Variants in TENM2 observed in about 807,000 individuals in gnomAD.
The protein encoded by TENM2 is teneurin transmembrane protein 2, also known as teneurin-2.
In TENM2, 52 loss-of-function variants were observed where a neutral mutation model predicts 245.2. That is an observed-to-expected ratio of 0.21 (90% confidence interval 0.17 to 0.27). TENM2 has a LOEUF of 0.27. Ranked by LOEUF, TENM2 falls within the 10% of genes least tolerant of loss-of-function variation. TENM2 has a pLI of 1.00. For synonymous variants in TENM2, 1,363 were observed against 1,438.9 expected (o/e 0.95, Z 1.19); for missense variants, 3,046 against 3,666.8 (o/e 0.83, Z 4.37).
intron 2 of TENM2, among the ~76,000 whole-genome samples, chr5:167,651,347 G>A (rs373628325): frequency 7.2e-5 from 11 of 151,832 alleles, no homozygotes; most frequent in African/African-American, 2.7e-4. Context: ...TCTAGGTTCT[G>A]CACAATGGAA....
At chr5:167,078,484 A>C in the TENM2 span, among the ~76,000 whole-genome samples, 1 of 54,804 alleles carries the variant, frequency 1.8e-5, no homozygotes, top group Admixed American at 1.1e-4. Context: ...ACTCTGTCTC[A>C]AACAACAACA....
chr5:167,080,963 T>TA, the TENM2 span, among the ~76,000 whole-genome samples: 1 of 152,080 alleles, frequency 6.6e-6, no homozygotes, highest in African/African-American at 2.4e-5. Context: ...TGTATTTTCC[T>TA]ATGCTATTTT....
At chr5:166,990,433 A>C in the TENM2 span, among the ~76,000 whole-genome samples, 1 of 152,204 alleles carries the variant, frequency 6.6e-6, no homozygotes, top group Admixed American at 6.5e-5. Flanking sequence ...GTTATTAATA[A>C]TGACAAAGAT....
intron 1 of TENM2, among the ~76,000 whole-genome samples, chr5:167,372,202 C>T (rs1490341268): frequency 2.6e-5 from 4 of 152,162 alleles, no homozygotes; most frequent in Non-Finnish European, 4.4e-5. Flanking sequence ...ATTTTCTTTA[C>T]AATGCTGTTC....
At chr5:168,231,092 GAGCTTAATA>G (rs1205029239) in intron 25 of TENM2, 2 of 152,254 alleles carry the variant, frequency 1.3e-5, no homozygotes, top group African/African-American at 4.8e-5. Context: ...TGATTCACGA[GAGCTTAATA>G]AGCAGGCCTG....
Position 167,494,606 on chromosome 5 carries a change from A to G in TENM2, c.502+119133A>G, listed in dbSNP as rs28708674. 9.2e-3 allele frequency among the ~76,000 whole-genome samples: 1,406 copies of G among 152,260 alleles called. 24 individuals carry two copies. Among genetic ancestry groups the G allele is most frequent in the African/African-American group, 0.032 (1,334 of 41,564 alleles). Reference sequence around the variant, plus strand: ...GGAGAAATAGGAAAAAAAGAGTTACATATACAATCAAGTATGAAACAAACA... The same window carrying G: ...GGAGAAATAGGAAAAAAAGAGTTACGTATACAATCAAGTATGAAACAAACA... On this transcript the variant is annotated intron_variant, in intron 2 of 28. Transcript: ENST00000518659.
chr5:167,024,185 T>C, the TENM2 span, among the ~76,000 whole-genome samples: 3 of 152,230 alleles, frequency 2.0e-5, no homozygotes, highest in Admixed American at 2.0e-4. Context: ...ATCGAGTCTC[T>C]CATTATTTCT....
chr5:167,169,885 G>T, the TENM2 span, among the ~76,000 whole-genome samples: 1 of 152,244 alleles, frequency 6.6e-6, no homozygotes, highest in Admixed American at 6.5e-5. Flanking sequence ...TTGTCTAAGT[G>T]ATTTATATGT....
At chr5:167,943,514 G>T (rs1324910324) in intron 3 of TENM2, among the ~76,000 whole-genome samples, 11 of 152,222 alleles carry the variant, frequency 7.2e-5, no homozygotes. Flanking sequence ...TAAAAAAATA[G>T]CCTGGTCTTT....
At chr5:167,040,080 T>C in the TENM2 span, among the ~76,000 whole-genome samples, 3 of 152,138 alleles carry the variant, frequency 2.0e-5, no homozygotes, top group African/African-American at 7.2e-5. Context: ...TATAAGTAAA[T>C]ATAAGTATTT....
chr5:167,880,275 C>A (rs1167216803), intron 3 of TENM2, among the ~76,000 whole-genome samples: 1 of 152,028 alleles, frequency 6.6e-6, no homozygotes, highest in East Asian at 1.9e-4. Flanking sequence ...TCAAATGACC[C>A]ACCCGCCTCA....
chr5:167,273,264 A>G, the TENM2 span, among the ~76,000 whole-genome samples: 5 of 152,270 alleles, frequency 3.3e-5, no homozygotes, highest in South Asian at 6.2e-4. Context: ...AATGTAACAG[A>G]ATAAAGCCCC....
intron 3 of TENM2, among the ~76,000 whole-genome samples, chr5:167,898,199 G>A (rs969946094): frequency 6.6e-6 from 1 of 152,020 alleles, no homozygotes; most frequent in Non-Finnish European, 1.5e-5. Flanking sequence ...TCAAATTTTG[G>A]TCCTCACAGA....
intron 1 of TENM2, among the ~76,000 whole-genome samples, chr5:167,364,326 T>C (rs1285690481): frequency 6.6e-6 from 1 of 152,026 alleles, no homozygotes; most frequent in Non-Finnish European, 1.5e-5. Flanking sequence ...ACAAAAAGCC[T>C]AGACAAAATT....
At chr5:167,936,163 T>C (rs1778697059) in intron 3 of TENM2, among the ~76,000 whole-genome samples, 1 of 152,206 alleles carries the variant, frequency 6.6e-6, no homozygotes, top group South Asian at 2.1e-4. Context: ...TGTAATTTGT[T>C]TCCCATCAAC....
chr5:167,369,784 C>G (rs1310422994), intron 1 of TENM2, among the ~76,000 whole-genome samples: 1 of 152,176 alleles, frequency 6.6e-6, no homozygotes, highest in South Asian at 2.1e-4. Flanking sequence ...TAGCTTTTAT[C>G]TTCTTGCCCT....
At chr5:167,876,313 G>A (rs1773422685) in intron 3 of TENM2, 118 bp downstream of exon 5, 1 of 774,488 alleles carries the variant, frequency 1.3e-6, no homozygotes, top group Non-Finnish European at 2.1e-6. Context: ...GGAGCATCAG[G>A]GTGAAATGCA....
intron 5 of TENM2, among the ~76,000 whole-genome samples, chr5:167,996,678 T>C (rs1784073898): frequency 6.6e-6 from 1 of 152,194 alleles, no homozygotes; most frequent in Non-Finnish European, 1.5e-5. Flanking sequence ...GTTAGAACCT[T>C]CTACCTGTTT....
chr5:167,603,069 T>G (rs1776754146), intron 2 of TENM2, among the ~76,000 whole-genome samples: 1 of 152,136 alleles, frequency 6.6e-6, no homozygotes. Flanking sequence ...AGTAACCAGT[T>G]GACCAGTTGG....
Sources: allele counts gnomAD v4.1 joint callset (sites outside exome capture counted in the v4.1 genomes callset), GRCh38; gene constraint gnomAD v4.1.1; transcripts MANE v1.5; gene names NCBI Gene and HGNC (gene_info 2026-07-23, HGNC 2026-07-21).